Variants in RARS2 observed in about 807,000 individuals in gnomAD.
RARS2 encodes probable arginine--tRNA ligase, mitochondrial.
A neutral mutation model predicts 88.5 loss-of-function variants in RARS2; 67 were observed. The observed-to-expected ratio is 0.76, with a 90% confidence interval of 0.62 to 0.93. The LOEUF is 0.93. Ranked by LOEUF, RARS2 falls within the 40% of genes least tolerant of loss-of-function variation. RARS2 has a pLI of 0.00. For synonymous variants in RARS2, 239 were observed against 230.3 expected (o/e 1.04, Z -0.34); for missense variants, 664 against 684.2 (o/e 0.97, Z 0.33).
Position 87,561,817 on chromosome 6 carries a change from T to C in RARS2, c.297+885A>G, listed in dbSNP as rs148221480. On this transcript the variant is annotated intron_variant, in intron 4 of 19. Coordinates refer to ENST00000369536, the MANE Select transcript of RARS2 (RefSeq NM_020320.5). The stretch of plus-strand genomic sequence containing the variant: ...GGAAGAATTCCCATGTGAGAAAGAG[T>C]AGTTGGACTTCAAAGCCCTGACTCT... 3.2e-4 allele frequency among the ~76,000 whole-genome samples: 49 copies of C among 152,164 alleles called. No homozygotes were observed. The Middle Eastern group carries it at 0.01, about 32-fold the overall frequency.
intron 2 of RARS2, among the ~76,000 whole-genome samples, chr6:87,568,033 A>G (rs985865194): frequency 2.0e-5 from 3 of 152,114 alleles, no homozygotes; most frequent in Admixed American, 2.0e-4. Context: ...GGCCTCCCAA[A>G]GTGCTGGGAT....
intron 6 of RARS2, among the ~76,000 whole-genome samples, 156 bp downstream of exon 6, chr6:87,548,435 C>A (rs1305658215): frequency 6.6e-6 from 1 of 152,110 alleles, no homozygotes; most frequent in Non-Finnish European, 1.5e-5. Context: ...ACAGTGTAAC[C>A]AATGTCATCC....
At chr6:87,534,625 C>T (rs1365507447) in intron 8 of RARS2, among the ~76,000 whole-genome samples, 1 of 152,188 alleles carries the variant, frequency 6.6e-6, no homozygotes, top group Non-Finnish European at 1.5e-5. Flanking sequence ...CACTGTAGTG[C>T]TGTCCCAAAT....
rs1394106691 is a variant in RARS2 at position 87,559,463 on chromosome 6, C to CCAAA, written c.297+3238_297+3239insTTTG. 9.6e-4 allele frequency among the ~76,000 whole-genome samples: 90 copies of CCAAA among 93,266 alleles called. 3 individuals carry two copies. Among genetic ancestry groups the CCAAA allele is most frequent in the Middle Eastern group, 6.0e-3 (1 of 168 alleles). 61.2% of individuals were successfully genotyped at this position (93,266 alleles called of 152,430 possible). ...GGGCAACAAGAGTGAAACTCTGTCT[C>CCAAA]AAAAAAAAAAAAAAAAAAAAAAAAA... is the stretch of plus-strand genomic sequence containing the variant. On this transcript the variant is annotated intron_variant, in intron 4 of 19. Coordinates refer to ENST00000369536, the MANE Select transcript of RARS2 (RefSeq NM_020320.5).
intron 2 of RARS2, among the ~76,000 whole-genome samples, chr6:87,564,888 T>C (rs1767399390): frequency 6.6e-6 from 1 of 151,536 alleles, no homozygotes; most frequent in African/African-American, 2.4e-5. Flanking sequence ...AAAAACCCCA[T>C]CTCTACTAAA....
At chr6:87,525,197 G>C (rs1288991179) in intron 10 of RARS2, among the ~76,000 whole-genome samples, 1 of 152,084 alleles carries the variant, frequency 6.6e-6, no homozygotes, top group African/African-American at 2.4e-5. Context: ...AGTTTGCTTT[G>C]GTACTATGAA....
intron 13 of RARS2, 92 bp from the exon 14 acceptor site, chr6:87,519,799 C>T (rs1773251318): frequency 2.8e-6 from 4 of 1,450,648 alleles, no homozygotes; most frequent in Non-Finnish European, 3.9e-6. Flanking sequence ...TGAACTTTAA[C>T]CATCAGAGCA....
chr6:87,558,734 A>G (rs78151268), intron 4 of RARS2, among the ~76,000 whole-genome samples: 150 of 152,378 alleles, frequency 9.8e-4, no homozygotes, highest in African/African-American at 3.4e-3. Flanking sequence ...ATAAAAGTAT[A>G]GCACATACAA....
At position 87,563,279 on chromosome 6, in the gene RARS2, T is replaced by C. The variant is rs576983859; in HGVS notation, c.214-494A>G. Reference sequence around the variant, plus strand: ...TCGAAGCCATCTCATGAAAAACCTATGGAACTTGAAGAGATATCTGCTGTC... The same window carrying C: ...TCGAAGCCATCTCATGAAAAACCTACGGAACTTGAAGAGATATCTGCTGTC... On this transcript the variant is annotated intron_variant, in intron 3 of 19. Transcript: ENST00000369536. 5.3e-5 allele frequency among the ~76,000 whole-genome samples: 8 copies of C among 152,346 alleles called. No homozygotes were observed. The South Asian group carries it at 1.0e-3, about 20-fold the overall frequency.
At chr6:87,581,854 T>C (rs906543694) in intron 1 of RARS2, among the ~76,000 whole-genome samples, 1 of 152,208 alleles carries the variant, frequency 6.6e-6, no homozygotes, top group African/African-American at 2.4e-5. Context: ...TGTGCAGTGT[T>C]TGGTTTTTTG....
chr6:87,549,435 T>A (rs1783689787), intron 5 of RARS2, among the ~76,000 whole-genome samples: 1 of 151,820 alleles, frequency 6.6e-6, no homozygotes, highest in Admixed American at 6.6e-5. Context: ...CTTGTAGTCC[T>A]AGCTACTTAG....
chr6:87,524,028 T>C (rs1269334315), intron 11 of RARS2, among the ~76,000 whole-genome samples: 1 of 151,898 alleles, frequency 6.6e-6, no homozygotes. Context: ...ATTATGGTAG[T>C]TAATATAAAA....
chr6:87,550,498 C>T (rs1783983257), intron 5 of RARS2, among the ~76,000 whole-genome samples: 1 of 151,162 alleles, frequency 6.6e-6, no homozygotes, highest in African/African-American at 2.4e-5. Context: ...CCAAAGCAAG[C>T]AGAATAAAAG....
intron 8 of RARS2, among the ~76,000 whole-genome samples, chr6:87,537,577 A>G (rs1346473386): frequency 6.6e-6 from 1 of 152,220 alleles, no homozygotes; most frequent in Non-Finnish European, 1.5e-5. Context: ...CTATAAAAGC[A>G]AATTCATTCA....
At chr6:87,582,049 T>C (rs878910572) in intron 1 of RARS2, among the ~76,000 whole-genome samples, 1 of 152,186 alleles carries the variant, frequency 6.6e-6, no homozygotes, top group African/African-American at 2.4e-5. Context: ...CTATTGTGAA[T>C]AGTGCTGCAG....
Position 87,566,218 on chromosome 6 carries a change from C to T in RARS2, c.111-1986G>A, listed in dbSNP as rs186600275. On this transcript the variant is annotated intron_variant, in intron 2 of 19. Coordinates refer to ENST00000369536, the MANE Select transcript of RARS2 (RefSeq NM_020320.5). ...GCAACAAGGGAATGTTACAATATTG[C>T]TAAAAGCGATATTCATTTTAAAAAC... is the stretch of plus-strand genomic sequence containing the variant. Among the ~76,000 whole-genome samples, 7 of 152,142 alleles carry T rather than the reference C, an allele frequency of 4.6e-5. No individual in the cohort carries two copies. In the East Asian group the frequency reaches 9.6e-4, roughly 21 times the overall value.
chr6:87,545,509 A>G, intron 7 of RARS2, 107 bp downstream of exon 7: 2 of 1,430,036 alleles, frequency 1.4e-6, no homozygotes, highest in Non-Finnish European at 1.9e-6. Context: ...AATAGGTAGG[A>G]CATACTACTT....
intron 8 of RARS2, among the ~76,000 whole-genome samples, chr6:87,537,256 A>G (rs1779476300): frequency 6.6e-6 from 1 of 152,240 alleles, no homozygotes; most frequent in Admixed American, 6.5e-5. Flanking sequence ...CTGGTATAGC[A>G]ACTCAAGGGA....
intron 4 of RARS2, among the ~76,000 whole-genome samples, chr6:87,558,995 T>C (rs1231163819): frequency 6.6e-6 from 1 of 152,104 alleles, no homozygotes; most frequent in East Asian, 1.9e-4. Flanking sequence ...GTGAAGACAG[T>C]GATATTGATG....
Sources: gnomAD v4.1 joint callset for allele counts (sites outside exome capture counted in the v4.1 genomes callset) on GRCh38, gnomAD v4.1.1 for gene constraint, MANE v1.5 for transcripts, NCBI Gene and HGNC (gene_info 2026-07-23, HGNC 2026-07-21) for gene names.